Variants in POLK observed in about 807,000 individuals in gnomAD.
POLK encodes DNA polymerase kappa.
POLK carries 76 observed loss-of-function variants against 94.0 expected under a neutral mutation model. That is an observed-to-expected ratio of 0.81 (90% CI 0.67 to 0.98). The LOEUF is 0.98. Ranked by LOEUF, POLK falls within the 50% of genes least tolerant of loss-of-function variation. The pLI, the probability that POLK is intolerant of heterozygous loss-of-function variation, is 0.00. For missense variants in POLK, 954 were observed against 1,010.1 expected, an observed-to-expected ratio of 0.94 and a Z score of 0.75; for synonymous variants, 349 against 325.4, an observed-to-expected ratio of 1.07 and a Z score of -0.78.
At chr5:75,511,007 C>A (rs539513461), upstream of POLK, 20 of 1,393,764 alleles carry the variant, frequency 1.4e-5, no homozygotes, top group African/African-American at 2.6e-4. Flanking sequence ...GCCTCGCACC[C>A]CGGCACGTTC....
intron 11 of POLK, among the ~76,000 whole-genome samples, chr5:75,590,870 T>G (rs1256608003): frequency 1.3e-5 from 2 of 152,192 alleles, no homozygotes; most frequent in African/African-American, 4.8e-5. Flanking sequence ...GGCATTTTGT[T>G]TCAAGGTTGT....
At chr5:75,596,229 G>A in exon 13 of POLK, 2 of 1,569,024 alleles carry the variant, frequency 1.3e-6, no homozygotes, top group Non-Finnish European at 1.7e-6. Flanking sequence ...TAGGTGTTCG[G>A]ATATCTAGTT....
chr5:75,523,934 A>G (rs1381269058), intron 1 of POLK, among the ~76,000 whole-genome samples: 1 of 152,084 alleles, frequency 6.6e-6, no homozygotes, highest in Non-Finnish European at 1.5e-5. Flanking sequence ...GTTCAAGACC[A>G]GCCTGGCCAA....
chr5:75,580,551 A>G (rs2112816058), intron 6 of POLK: 2 of 821,762 alleles, frequency 2.4e-6, no homozygotes, highest in African/African-American at 1.8e-5. Context: ...GGATTATCCA[A>G]TCAGACCTTC....
chr5:75,553,578 A>G (rs1359005732), intron 3 of POLK, among the ~76,000 whole-genome samples: 1 of 152,204 alleles, frequency 6.6e-6, no homozygotes, highest in Non-Finnish European at 1.5e-5. Context: ...GCTTCACAGC[A>G]TTCCACTGTG....
At chr5:75,588,946 G>A (rs1003638760) in intron 10 of POLK, among the ~76,000 whole-genome samples, 1 of 152,110 alleles carries the variant, frequency 6.6e-6, no homozygotes, top group African/African-American at 2.4e-5. Context: ...AAGATACTAG[G>A]TTCACAGATT....
At chr5:75,568,602 C>G in intron 3 of POLK, 1 of 330,916 alleles carries the variant, frequency 3.0e-6, no homozygotes, top group Non-Finnish European at 5.9e-6. Flanking sequence ...AGAATCTTCA[C>G]TATTGTATTT....
chr5:75,586,964 T>C, intron 9 of POLK, 62 bp from the exon 10 acceptor site: 1 of 1,172,324 alleles, frequency 8.5e-7, no homozygotes, highest in Non-Finnish European at 1.2e-6. Context: ...TGTTAAATCC[T>C]CTTGGTTAAC....
intron 9 of POLK, among the ~76,000 whole-genome samples, chr5:75,585,478 A>C (rs1428398265): frequency 6.6e-6 from 1 of 152,180 alleles, no homozygotes; most frequent in Non-Finnish European, 1.5e-5. Context: ...AAACAAATGA[A>C]GAAAGTAAAG....
chr5:75,567,243 G>A (rs1025427875), intron 3 of POLK, among the ~76,000 whole-genome samples: 2 of 152,140 alleles, frequency 1.3e-5, no homozygotes, highest in African/African-American at 4.8e-5. Context: ...CCATGTCCAA[G>A]TATTTCAGAT....
At chr5:75,551,267 A>G (rs1350316139) in intron 2 of POLK, among the ~76,000 whole-genome samples, 2 of 152,080 alleles carry the variant, frequency 1.3e-5, no homozygotes, top group Non-Finnish European at 2.9e-5. Flanking sequence ...TTTACACTTC[A>G]GAAGACAGCA....
chr5:75,566,596 C>G (rs1293339032), intron 3 of POLK, among the ~76,000 whole-genome samples: 1 of 152,218 alleles, frequency 6.6e-6, no homozygotes, highest in Non-Finnish European at 1.5e-5. Flanking sequence ...GGCACAGTCC[C>G]TCACGGCTTC....
rs186957150 is a variant in POLK, at chr5:75,598,170, A to G, written c.*152A>G. 5.7e-5 allele frequency: 23 copies of G among 406,794 alleles called. No individual in the cohort carries two copies. The East Asian group carries it at 8.8e-4, about 15-fold the overall frequency. 25.2% of individuals were successfully genotyped at this position (406,794 alleles called of 1,614,324 possible). A position where few individuals can be genotyped will look rare whatever the true frequency, so the allele number is the denominator to read the frequency against. ...TGATGTTTGCTTTTCTAAGATACAT[A>G]TACTGATTCTGTGTATCTTTTTTAT... On this transcript the variant is annotated 3_prime_UTR_variant, in exon 15 of 15. Coordinates refer to ENST00000241436, the Ensembl canonical transcript of POLK.
chr5:75,593,874 A>G lies in POLK; in HGVS notation c.1357-4A>G, dbSNP rs1024144321. ...AAATAAATAACATATTGTATATGTT[A>G]TAGGGTAGAACTGTTACCATTAAGT... is the stretch of plus-strand genomic sequence containing the variant. On this transcript the variant is annotated splice_polypyrimidine_tract_variant and splice_region_variant and intron_variant, in intron 11 of 14. Transcript: ENST00000241436. 5 of 1,513,392 alleles carry G rather than the reference A, an allele frequency of 3.3e-6. No individual in the cohort carries two copies. The African/African-American group carries it at 6.9e-5, about 21-fold the overall frequency. 93.7% of individuals were successfully genotyped at this position (1,513,392 alleles called of 1,614,324 possible). A position where few individuals can be genotyped will look rare whatever the true frequency, so the allele number is the denominator to read the frequency against.
chr5:75,556,779 T>G (rs1026464786), intron 3 of POLK, among the ~76,000 whole-genome samples: 6 of 152,258 alleles, frequency 3.9e-5, no homozygotes, highest in Non-Finnish European at 7.4e-5. Context: ...AACTCTTTTC[T>G]TGCTAGGTGT....
At chr5:75,523,008 A>T (rs1174737022) in intron 1 of POLK, among the ~76,000 whole-genome samples, 1 of 152,198 alleles carries the variant, frequency 6.6e-6, no homozygotes, top group African/African-American at 2.4e-5. Context: ...ACGTTCTTCA[A>T]TTTTATTTTA....
intron 1 of POLK, among the ~76,000 whole-genome samples, chr5:75,527,760 A>C (rs1768946085): frequency 6.6e-6 from 1 of 152,172 alleles, no homozygotes; most frequent in Non-Finnish European, 1.5e-5. Flanking sequence ...GATAGGTAAG[A>C]AGGTAAGAAG....
intron 1 of POLK, among the ~76,000 whole-genome samples, chr5:75,525,477 G>A (rs952309113): frequency 1.3e-5 from 2 of 152,016 alleles, no homozygotes; most frequent in Admixed American, 1.3e-4. Flanking sequence ...ATATGAAGAA[G>A]AGTAAGGGAA....
rs185711959 is a variant in POLK, at chr5:75,553,664, C to T, written c.255+1073C>T. 7.9e-5 allele frequency among the ~76,000 whole-genome samples: 12 copies of T among 152,280 alleles called. No individual in the cohort carries two copies. In the East Asian group the frequency reaches 2.3e-3, roughly 29 times the overall value. ...ATTTCATACGCAACCCTGTGATTAT[C>T]ATTCTTATCTTTGTACTCTAGTGCT... is the stretch of plus-strand genomic sequence containing the variant. On this transcript the variant is annotated intron_variant, in intron 3 of 14. Coordinates refer to ENST00000241436, the Ensembl canonical transcript of POLK.
Sources: gnomAD v4.1 joint callset for allele counts (sites outside exome capture counted in the v4.1 genomes callset) on GRCh38, gnomAD v4.1.1 for gene constraint, MANE v1.5 for transcripts, NCBI Gene and HGNC (gene_info 2026-07-23, HGNC 2026-07-21) for gene names.